The following VSIG10 variants were observed in gnomAD, a reference collection of about 807,000 sequenced individuals.
The protein encoded by VSIG10 is V-set and immunoglobulin domain containing 10, also known as V-set and immunoglobulin domain-containing protein 10.
A neutral mutation model predicts 58.7 loss-of-function variants in VSIG10; 48 were observed. The observed-to-expected ratio is 0.82, with a 90% CI of 0.65 to 1.04. The LOEUF (loss-of-function observed/expected upper bound fraction) is 1.04, where lower values mean the gene tolerates loss of function less well. VSIG10 is among the 50% of genes least tolerant of loss of function. The probability of loss-of-function intolerance (pLI) is 0.00; values close to 1 mark genes in which losing one functional copy is unlikely to be tolerated. For missense variants in VSIG10, 628 were observed against 670.0 expected, an observed-to-expected ratio of 0.94 and a Z score of 0.69; for synonymous variants, 260 against 267.1, an observed-to-expected ratio of 0.97 and a Z score of 0.26.
intron 2 of VSIG10, among the ~76,000 whole-genome samples, chr12:118,086,993 C>G (rs2033145422): frequency 6.6e-6 from 1 of 151,792 alleles, no homozygotes; most frequent in Non-Finnish European, 1.5e-5. Context: ...AAACTTCCGA[C>G]CTCAGGTGAT....
chr12:118,076,272 T>C (rs1389701586), intron 4 of VSIG10, among the ~76,000 whole-genome samples: 1 of 152,118 alleles, frequency 6.6e-6, no homozygotes, highest in Non-Finnish European at 1.5e-5. Flanking sequence ...TTTTCCAACC[T>C]GCAGCTGCGG....
chr12:118,090,451 C>T (rs1266573278), intron 2 of VSIG10, among the ~76,000 whole-genome samples: 1 of 152,198 alleles, frequency 6.6e-6, no homozygotes. Flanking sequence ...AGGACTTCCA[C>T]ATATCTTTTT....
intron 7 of VSIG10, among the ~76,000 whole-genome samples, chr12:118,070,441 G>A (rs1181177445): frequency 5.3e-5 from 8 of 151,462 alleles, no homozygotes; most frequent in South Asian, 2.1e-4. Context: ...CCAACTACTC[G>A]GAAGGCTGAG....
intron 3 of VSIG10, among the ~76,000 whole-genome samples, chr12:118,079,979 A>G (rs992984462): frequency 1.3e-5 from 2 of 152,084 alleles, no homozygotes; most frequent in Non-Finnish European, 2.9e-5. Flanking sequence ...GATTACAGGC[A>G]TGCGCCACCA....
At chr12:118,099,869 A>G (rs2033578183) in intron 1 of VSIG10, among the ~76,000 whole-genome samples, 1 of 152,230 alleles carries the variant, frequency 6.6e-6, no homozygotes, top group South Asian at 2.1e-4. Context: ...ATCTGAAGCC[A>G]GCCTGGAGCC....
intron 4 of VSIG10, among the ~76,000 whole-genome samples, chr12:118,079,101 T>C (rs542256907): frequency 2.0e-5 from 3 of 152,074 alleles, no homozygotes; most frequent in Non-Finnish European, 4.4e-5. Flanking sequence ...ACCTGGCACA[T>C]AGCAGGGGTT....
chr12:118,086,241 T>C (rs1238787863), intron 2 of VSIG10, among the ~76,000 whole-genome samples: 2 of 151,540 alleles, frequency 1.3e-5, no homozygotes, highest in Non-Finnish European at 2.9e-5. Context: ...GGCAGGCGGA[T>C]CACTTGAGGT....
rs1310995058 is a variant in VSIG10 at position 118,071,377 on chromosome 12, G to A, written c.1312C>T (p.Pro438Ser). 5.0e-6 allele frequency: 8 copies of A among 1,613,630 alleles called. No homozygotes were observed. The East Asian group carries it at 1.3e-4, about 27-fold the overall frequency. The change falls in exon 6 of 9, where the codon CCT becomes TCT. Residue 438 changes from proline (P) to serine (S), a missense_variant. By Grantham distance (74) the Pro-to-Ser change is moderately conservative (BLOSUM62 -1). Transcript: ENST00000359236. ...IISGLLLHYS[P>S]VFCWKVGNTS... ...TCCTTACCTTTCCAGCAGAACACAG[G>A]GCTATAATGCAACAGAAGCCCTGAG... is the stretch of plus-strand genomic sequence containing the variant.
At chr12:118,092,787 C>G (rs1025833109) in intron 2 of VSIG10, among the ~76,000 whole-genome samples, 19 of 151,988 alleles carry the variant, frequency 1.3e-4, no homozygotes, top group African/African-American at 4.3e-4. Context: ...AGGCACACGC[C>G]ATCACACCCA....
intron 4 of VSIG10, among the ~76,000 whole-genome samples, chr12:118,078,986 CCA>C (rs2032840480): frequency 1.4e-5 from 2 of 146,684 alleles, no homozygotes; most frequent in South Asian, 4.3e-4. Context: ...TATAAACTAC[CCA>C]GCCTCAGGTA....
In VSIG10 at chr12:118,079,560, T is replaced by A. The variant is rs369935995; in HGVS notation, c.711A>T (p.Gly237=). The change falls in exon 4 of 9, where the codon GGA becomes GGT. Residue 237 remains glycine, a synonymous_variant. Transcript: ENST00000359236. ...GACAGGTAAGCTGCAACATGAACGATCCTGATGCCATCTGTGCCCAGCACT... is the reference window on the plus strand; with the variant it reads ...GACAGGTAAGCTGCAACATGAACGAACCTGATGCCATCTGTGCCCAGCACT... The part of the protein sequence containing the change: ...APQCWAQMAS[G]SFMLQLTCRW... 25 of 1,613,840 alleles carry A rather than the reference T, an allele frequency of 1.5e-5. No individual in the cohort carries two copies. Among genetic ancestry groups the A allele is most frequent in the Admixed American group, 6.7e-5 (4 of 59,994 alleles).
intron 2 of VSIG10, among the ~76,000 whole-genome samples, chr12:118,083,973 T>C (rs1362918920): frequency 6.6e-6 from 1 of 151,876 alleles, no homozygotes; most frequent in Non-Finnish European, 1.5e-5. Context: ...CCAAAGAATT[T>C]GCCAGGCGTG....
intron 5 of VSIG10, 100 bp from the exon 6 acceptor site, chr12:118,071,569 C>G (rs1454543676): frequency 9.0e-7 from 1 of 1,107,748 alleles, no homozygotes; most frequent in African/African-American, 1.6e-5. Flanking sequence ...TGTCTTGATT[C>G]CTGACCTTGG....
chr12:118,096,682 A>G (rs1017839957), intron 1 of VSIG10, among the ~76,000 whole-genome samples: 1 of 151,154 alleles, frequency 6.6e-6, no homozygotes, highest in Non-Finnish European at 1.5e-5. Flanking sequence ...CGGCCTCCCA[A>G]AGTGCTGGGA....
chr12:118,075,100 GTATATATGTGTATATGTA>G (rs1021577722), intron 4 of VSIG10, among the ~76,000 whole-genome samples: 2 of 148,160 alleles, frequency 1.3e-5, no homozygotes, highest in Non-Finnish European at 3.0e-5. Flanking sequence ...ATGTATATAT[GTATATATGTGTATATGTA>G]TATATATGTG....
chr12:118,094,773 G>A (rs557581291), intron 2 of VSIG10, among the ~76,000 whole-genome samples: 22 of 149,822 alleles, frequency 1.5e-4, no homozygotes, highest in African/African-American at 5.4e-4. Flanking sequence ...GTCTTGCTCT[G>A]TCGCCCAAGC....
At chr12:118,094,886 G>A (rs1159023753) in intron 2 of VSIG10, among the ~76,000 whole-genome samples, 4 of 149,316 alleles carry the variant, frequency 2.7e-5, no homozygotes, top group Admixed American at 6.7e-5. Flanking sequence ...ACAGGCGTGC[G>A]CCACCATGCC....
chr12:118,067,394 AGT>A (rs2032287838), intron 8 of VSIG10, among the ~76,000 whole-genome samples: 1 of 150,938 alleles, frequency 6.6e-6, no homozygotes, highest in South Asian at 2.1e-4. Flanking sequence ...CTGCTCTCTC[AGT>A]GTGTTGGTTC....
chr12:118,064,362 T>G lies in VSIG10; in HGVS notation c.*2277A>C, dbSNP rs987776027. ...CTCAAATATTTCCTATCAACAGATG[T>G]GTGTGCTAGAGAAGAGGAAGTTGTG... On this transcript the variant is annotated 3_prime_UTR_variant, in exon 9 of 9. Coordinates refer to ENST00000359236, the MANE Select transcript of VSIG10 (RefSeq NM_019086.6). The G allele has an allele frequency of 2.6e-5, 4 of 151,906 alleles. No homozygotes were observed. The highest frequency in any genetic ancestry group is 5.9e-5 in the Non-Finnish European group (4 of 68,002). 9.4% of individuals were successfully genotyped at this position (151,906 alleles called of 1,614,324 possible). A position where few individuals can be genotyped will look rare whatever the true frequency, so the allele number is the denominator to read the frequency against.
Sources: gnomAD v4.1 joint callset for allele counts (sites outside exome capture counted in the v4.1 genomes callset) on GRCh38, gnomAD v4.1.1 for gene constraint, MANE v1.5 for transcripts, NCBI Gene and HGNC (gene_info 2026-07-23, HGNC 2026-07-21) for gene names.